The following DNM3 variants were observed in gnomAD, a reference collection of about 807,000 sequenced individuals.
The protein encoded by DNM3 is dynamin-3.
Under a neutral mutation model 101.6 loss-of-function variants are expected in DNM3, and 47 were observed. The observed-to-expected ratio is 0.46, with a 90% CI of 0.37 to 0.59. DNM3 has a LOEUF of 0.59. Ranked by LOEUF, DNM3 falls within the 20% of genes least tolerant of loss-of-function variation. The probability of loss-of-function intolerance (pLI) is 0.00; values close to 1 mark genes in which losing one functional copy is unlikely to be tolerated. For missense variants in DNM3, 849 were observed against 1,085.7 expected (o/e 0.78, Z 3.06); for synonymous variants, 385 against 387.9 (o/e 0.99, Z 0.09).
At chr1:172,144,192 A>T (rs2057750502) in intron 14 of DNM3, among the ~76,000 whole-genome samples, 2 of 151,982 alleles carry the variant, frequency 1.3e-5, no homozygotes, top group African/African-American at 2.4e-5. Context: ...AGAAATAAAA[A>T]AAAAAAAAAC....
Position 172,081,828 on chromosome 1 carries a change from A to C in DNM3, c.1423-4A>C. The C allele has an allele frequency of 1.9e-6, 3 of 1,611,248 alleles. No homozygotes were observed. Among genetic ancestry groups the C allele is most frequent in the Non-Finnish European group, 2.5e-6 (3 of 1,178,522 alleles). On this transcript the variant is annotated splice_region_variant and splice_polypyrimidine_tract_variant and intron_variant, in intron 11 of 20. Coordinates refer to ENST00000627582, the MANE Select transcript of DNM3 (RefSeq NM_015569.5). ...TCACTGAAGTGTTTCTCTTTGACTT[A>C]TAGGTATTGCTATTGATTGACATTC...
chr1:171,977,881 C>T (rs2044495154), intron 2 of DNM3, among the ~76,000 whole-genome samples: 1 of 152,198 alleles, frequency 6.6e-6, no homozygotes, highest in African/African-American at 2.4e-5. Context: ...TTACAACTCT[C>T]ACATGTATAG....
intron 15 of DNM3, among the ~76,000 whole-genome samples, chr1:172,284,494 T>C (rs3850639): frequency 0.24 from 36,442 of 152,024 alleles, 4,507 homozygotes; most frequent in African/African-American, 0.31. Flanking sequence ...TTCATGAGAA[T>C]AGCAACCTTA....
intron 13 of DNM3, among the ~76,000 whole-genome samples, chr1:172,093,293 A>T (rs1459760585): frequency 6.6e-6 from 1 of 152,200 alleles, no homozygotes; most frequent in Admixed American, 6.6e-5. Flanking sequence ...GGGACAGCTC[A>T]TGAAGAACGC....
chr1:172,354,457 G>A (rs1045572265), intron 17 of DNM3, among the ~76,000 whole-genome samples: 8 of 152,146 alleles, frequency 5.3e-5, no homozygotes, highest in Admixed American at 5.2e-4. Context: ...TCCTCTCAGT[G>A]CTCAGGCTGG....
At chr1:172,237,169 C>G (rs913984602) in intron 14 of DNM3, among the ~76,000 whole-genome samples, 1 of 152,112 alleles carries the variant, frequency 6.6e-6, no homozygotes, top group Admixed American at 6.5e-5. Flanking sequence ...TCAAGAGTTC[C>G]TTATTAAAAT....
chr1:172,062,527 C>T (rs930047671), intron 10 of DNM3, among the ~76,000 whole-genome samples: 1 of 152,176 alleles, frequency 6.6e-6, no homozygotes, highest in Admixed American at 6.5e-5. Flanking sequence ...CTCACCACTT[C>T]TCCTGCTATT....
intron 3 of DNM3, 38 bp downstream of exon 3, chr1:171,987,843 A>G: frequency 6.6e-7 from 1 of 1,509,404 alleles, no homozygotes; most frequent in East Asian, 2.3e-5. Flanking sequence ...CTTCTCCTCA[A>G]ACATTTATAC....
In DNM3 at chr1:172,353,670, G is replaced by A. The variant is rs559222706; in HGVS notation, c.1894-25348G>A. Among the ~76,000 whole-genome samples, 11 of 152,088 alleles carry A rather than the reference G, an allele frequency of 7.2e-5. 1 individual carries two copies. Among genetic ancestry groups the A allele is most frequent in the African/African-American group, 2.4e-4 (10 of 41,512 alleles). ...AAACTTGAATTTTCATTTTATGAACGCTCTCAATTTATTGTATGGCCTTGG... is the reference window on the plus strand; with the variant it reads ...AAACTTGAATTTTCATTTTATGAACACTCTCAATTTATTGTATGGCCTTGG... On this transcript the variant is annotated intron_variant, in intron 17 of 20. Coordinates refer to ENST00000627582, the MANE Select transcript of DNM3 (RefSeq NM_015569.5).
At chr1:172,362,904 C>G (rs2067818153) in intron 17 of DNM3, among the ~76,000 whole-genome samples, 1 of 151,798 alleles carries the variant, frequency 6.6e-6, no homozygotes, top group African/African-American at 2.4e-5. Context: ...TAATGACTGC[C>G]TTTTTCTTGA....
In DNM3 at chr1:172,410,472, CTG is replaced by C. The variant is rs1444197998; in HGVS notation, c.*2633_*2634del. ...TGTTTTTAGGATTTGGGAAAATAAA[CTG>C]TAAATGTTTATTTGATAGGTAAATA... On this transcript the variant is annotated 3_prime_UTR_variant, in exon 21 of 21. Transcript: ENST00000627582. The C allele has an allele frequency of 3.0e-6, 3 of 983,964 alleles. No individual in the cohort carries two copies. The African/African-American group carries it at 5.2e-5, about 17-fold the overall frequency. The allele number at this position is 983,964 out of a possible 1,614,324, so 61.0% of individuals were successfully genotyped here. A position where few individuals can be genotyped will look rare whatever the true frequency, so the allele number is the denominator to read the frequency against.
intron 1 of DNM3, among the ~76,000 whole-genome samples, chr1:171,885,830 G>T (rs532004490): frequency 2.0e-5 from 3 of 152,286 alleles, no homozygotes; most frequent in Admixed American, 1.3e-4. Flanking sequence ...GGCCCAAGGG[G>T]TGGCCAAGGG....
At chr1:172,211,061 G>T (rs1361289753) in intron 14 of DNM3, among the ~76,000 whole-genome samples, 2 of 152,062 alleles carry the variant, frequency 1.3e-5, no homozygotes. Flanking sequence ...CTTACAGTTT[G>T]TTTCCAAAAG....
At chr1:172,186,702 G>T (rs1486762445) in intron 14 of DNM3, among the ~76,000 whole-genome samples, 1 of 152,106 alleles carries the variant, frequency 6.6e-6, no homozygotes, top group East Asian at 1.9e-4. Flanking sequence ...ATTGGTGATA[G>T]AAAGTTTTGA....
chr1:172,232,907 A>G (rs550121496), intron 14 of DNM3, among the ~76,000 whole-genome samples: 3 of 152,228 alleles, frequency 2.0e-5, no homozygotes, highest in Non-Finnish European at 4.4e-5. Context: ...AGGGAAATTT[A>G]TAGCACTAAA....
chr1:171,959,222 T>C (rs1030697008), intron 2 of DNM3, among the ~76,000 whole-genome samples: 4 of 152,156 alleles, frequency 2.6e-5, no homozygotes, highest in African/African-American at 9.7e-5. Context: ...TTGATTCTTA[T>C]ATTAGTGGTG....
intron 14 of DNM3, among the ~76,000 whole-genome samples, chr1:172,244,068 G>T (rs939362729): frequency 6.6e-6 from 1 of 151,698 alleles, no homozygotes; most frequent in Non-Finnish European, 1.5e-5. Flanking sequence ...TCCTGTGTCC[G>T]TGTGATCTCA....
At chr1:172,275,605 A>T (rs2063253915) in intron 15 of DNM3, among the ~76,000 whole-genome samples, 1 of 152,006 alleles carries the variant, frequency 6.6e-6, no homozygotes, top group Non-Finnish European at 1.5e-5. Context: ...TTTTTCTTTC[A>T]CATGGCTCAA....
intron 7 of DNM3, among the ~76,000 whole-genome samples, chr1:172,041,756 A>C (rs1219027581): frequency 6.6e-6 from 1 of 152,160 alleles, no homozygotes; most frequent in Non-Finnish European, 1.5e-5. Flanking sequence ...TATGACTGCA[A>C]TCAAATGAAC....
Sources: gnomAD v4.1 joint callset for allele counts (sites outside exome capture counted in the v4.1 genomes callset) on GRCh38, gnomAD v4.1.1 for gene constraint, MANE v1.5 for transcripts, NCBI Gene and HGNC (gene_info 2026-07-23, HGNC 2026-07-21) for gene names.